MEGF10: variants seen among roughly 807,000 people sequenced by gnomAD.
MEGF10 encodes multiple epidermal growth factor-like domains protein 10.
MEGF10 carries 86 observed loss-of-function variants against 147.5 expected under a neutral mutation model. That is an observed-to-expected ratio of 0.58 (90% CI 0.49 to 0.70). MEGF10 has a LOEUF of 0.70. Among genes scored for constraint, MEGF10 ranks in the 30% least tolerant of loss-of-function variants. The pLI, the probability that MEGF10 is intolerant of heterozygous loss-of-function variation, is 0.00. For synonymous variants in MEGF10, 478 were observed against 525.5 expected (o/e 0.91, Z 1.24); for missense variants, 1,329 against 1,487.3 (o/e 0.89, Z 1.75).
At chr5:127,370,170 A>G (rs566420287) in intron 5 of MEGF10, among the ~76,000 whole-genome samples, 168 bp downstream of exon 5, 1 of 152,364 alleles carries the variant, frequency 6.6e-6, no homozygotes, top group Non-Finnish European at 1.5e-5. Flanking sequence ...GTACATGTAC[A>G]TATACATTAT....
chr5:127,289,666 A>G (rs1194275701), upstream of MEGF10, among the ~76,000 whole-genome samples: 2 of 152,236 alleles, frequency 1.3e-5, no homozygotes, highest in African/African-American at 2.4e-5. Context: ...GGCTTCAAAC[A>G]TATCTATGTT....
upstream of MEGF10, among the ~76,000 whole-genome samples, chr5:127,288,442 T>A (rs1349687202): frequency 2.0e-5 from 3 of 152,060 alleles, no homozygotes; most frequent in Admixed American, 1.3e-4. Flanking sequence ...AGACACTTTA[T>A]CAAAGAACAG....
At chr5:127,347,978 C>T (rs1455889607) in intron 4 of MEGF10, among the ~76,000 whole-genome samples, 3 of 151,976 alleles carry the variant, frequency 2.0e-5, no homozygotes, top group African/African-American at 7.2e-5. Context: ...CTTGCATGTA[C>T]AGTATTAACT....
chr5:127,388,076 A>G (rs1360868857), intron 5 of MEGF10, among the ~76,000 whole-genome samples: 1 of 152,178 alleles, frequency 6.6e-6, no homozygotes, highest in East Asian at 1.9e-4. Flanking sequence ...TTTCAGATCC[A>G]TATACTCTTA....
chr5:127,455,611 A>G lies in MEGF10; in HGVS notation c.3232+4A>G, dbSNP rs750714335. On this transcript the variant is annotated splice_donor_region_variant and intron_variant, in intron 24 of 24. Transcript: ENST00000503335. ...AACAGGAATGTCTATGAAGTTGGTG[A>G]GTTCCCTTAACCATAGAAAGAACCG... 1 of 1,613,756 alleles carries G rather than the reference A, an allele frequency of 6.2e-7. No homozygotes were observed. Among genetic ancestry groups the G allele is most frequent in the South Asian group, 1.1e-5 (1 of 91,056 alleles).
chr5:127,372,766 A>G (rs1762892296), intron 5 of MEGF10, among the ~76,000 whole-genome samples: 1 of 152,206 alleles, frequency 6.6e-6, no homozygotes, highest in African/African-American at 2.4e-5. Context: ...TTCTCTTCAC[A>G]TGATATCATG....
intron 4 of MEGF10, among the ~76,000 whole-genome samples, chr5:127,364,577 T>C (rs1426164899): frequency 1.3e-5 from 2 of 152,222 alleles, no homozygotes; most frequent in Non-Finnish European, 2.9e-5. Flanking sequence ...TTCCTTTTTA[T>C]AAGCAAACAC....
At chr5:127,353,500 G>A (rs1228896390) in intron 4 of MEGF10, among the ~76,000 whole-genome samples, 1 of 152,200 alleles carries the variant, frequency 6.6e-6, no homozygotes, top group East Asian at 1.9e-4. Context: ...AGAGAAGGCT[G>A]GCCATACATT....
intron 13 of MEGF10, among the ~76,000 whole-genome samples, chr5:127,427,269 G>A (rs1469814571): frequency 1.3e-5 from 2 of 152,116 alleles, no homozygotes; most frequent in Non-Finnish European, 2.9e-5. Context: ...CTTGGGGTCT[G>A]GGGTGCATTT....
chr5:127,378,809 T>G (rs573287246), intron 5 of MEGF10, among the ~76,000 whole-genome samples: 2 of 152,030 alleles, frequency 1.3e-5, no homozygotes, highest in Non-Finnish European at 2.9e-5. Context: ...TGCCACAAGA[T>G]TCCCCAGACA....
At chr5:127,293,317 C>A (rs936847716) in intron 1 of MEGF10, among the ~76,000 whole-genome samples, 1 of 152,176 alleles carries the variant, frequency 6.6e-6, no homozygotes, top group Non-Finnish European at 1.5e-5. Context: ...AAGGGAAAAG[C>A]GTTTATCTCT....
Position 127,433,287 on chromosome 5 carries a change from C to T in MEGF10, c.1694-76C>T, listed in dbSNP as rs1765446801. The T allele has an allele frequency of 2.5e-6, 4 of 1,582,206 alleles. No homozygotes were observed. The Admixed American group carries it at 5.0e-5, about 20-fold the overall frequency. Reference sequence around the variant, plus strand: ...TCAGGTTTAACACTGTGAGCTTAGTCCTCATCTATGAATTAGCATCTGCGG... The same window carrying T: ...TCAGGTTTAACACTGTGAGCTTAGTTCTCATCTATGAATTAGCATCTGCGG... On this transcript the variant is annotated intron_variant, in intron 13 of 24. Transcript: ENST00000503335.
intron 6 of MEGF10, among the ~76,000 whole-genome samples, chr5:127,397,396 G>A (rs1302929878): frequency 1.3e-5 from 2 of 152,126 alleles, no homozygotes; most frequent in Non-Finnish European, 2.9e-5. Flanking sequence ...GAACATTCAA[G>A]CAACTACTTA....
At chr5:127,364,123 G>T (rs2126848203) in intron 4 of MEGF10, among the ~76,000 whole-genome samples, 1 of 152,264 alleles carries the variant, frequency 6.6e-6, no homozygotes, top group Admixed American at 6.5e-5. Flanking sequence ...GTTTTGTTGA[G>T]ATGTAATTCA....
At chr5:127,405,237 T>A (rs1001977101) in intron 8 of MEGF10, among the ~76,000 whole-genome samples, 1 of 152,166 alleles carries the variant, frequency 6.6e-6, no homozygotes. Flanking sequence ...AATTAAGAAT[T>A]CCCTCAACTT....
At chr5:127,424,980 C>T (rs1232033823) in intron 13 of MEGF10, among the ~76,000 whole-genome samples, 1 of 152,198 alleles carries the variant, frequency 6.6e-6, no homozygotes, top group Non-Finnish European at 1.5e-5. Flanking sequence ...AGAGAGACCA[C>T]ATCATTTGTT....
chr5:127,336,426 A>G (rs1192295536), intron 2 of MEGF10, among the ~76,000 whole-genome samples: 1 of 152,110 alleles, frequency 6.6e-6, no homozygotes, highest in Admixed American at 6.6e-5. Context: ...TTGAATTGAA[A>G]TCCTAAATAC....
At chr5:127,249,403 T>G in the MEGF10 span, among the ~76,000 whole-genome samples, 1 of 151,250 alleles carries the variant, frequency 6.6e-6, no homozygotes, top group African/African-American at 2.4e-5. Flanking sequence ...AAATACCCAA[T>G]AGAGATAGAG....
chr5:127,450,664 A>G (rs559990220), intron 22 of MEGF10, among the ~76,000 whole-genome samples: 2 of 152,174 alleles, frequency 1.3e-5, no homozygotes, highest in South Asian at 4.1e-4. Flanking sequence ...ATTACATGGG[A>G]TGTACACTAA....
Sources: gnomAD v4.1 joint callset for allele counts (sites outside exome capture counted in the v4.1 genomes callset) on GRCh38, gnomAD v4.1.1 for gene constraint, MANE v1.5 for transcripts, NCBI Gene and HGNC (gene_info 2026-07-23, HGNC 2026-07-21) for gene names.